RBM33: variants seen among roughly 807,000 people sequenced by gnomAD.
RBM33 encodes RNA-binding protein 33.
RBM33 carries 28 observed loss-of-function variants against 132.6 expected under a neutral mutation model. That is an observed-to-expected ratio of 0.21 (90% CI 0.16 to 0.29). The LOEUF is 0.29. Ranked by LOEUF, RBM33 falls within the 10% of genes least tolerant of loss-of-function variation. RBM33 has a pLI of 1.00. For synonymous variants in RBM33, 634 were observed against 593.0 expected (o/e 1.07, Z -1.01); for missense variants, 1,291 against 1,518.5 (o/e 0.85, Z 2.49).
chr7:155,769,303 C>G (rs1802328892), intron 16 of RBM33, among the ~76,000 whole-genome samples: 1 of 152,194 alleles, frequency 6.6e-6, no homozygotes, highest in African/African-American at 2.4e-5. Flanking sequence ...AAGAAACCGT[C>G]ATCTGTGTTT....
intron 6 of RBM33, chr7:155,701,286 A>C: frequency 4.9e-6 from 2 of 404,400 alleles, no homozygotes; most frequent in Middle Eastern, 6.5e-4. Flanking sequence ...GGCCAGGTTG[A>C]CCCTTCCCAA....
intron 3 of RBM33, 109 bp downstream of exon 3, chr7:155,673,024 A>T (rs1798986854): frequency 3.2e-6 from 2 of 628,546 alleles, no homozygotes; most frequent in Non-Finnish European, 5.0e-6. Flanking sequence ...TTGGGTATAG[A>T]TTAAAATTTT....
rs73734716 is a variant in RBM33, at chr7:155,734,891, C to A, written c.1261-2639C>A. ...TATTCCGTGTCATTCTGAGAAGCAT[C>A]ATTTAAACATTTTTTTGAAATAATG... On this transcript the variant is annotated intron_variant, in intron 9 of 17. Transcript: ENST00000401878. Among the ~76,000 whole-genome samples, 3 of 143,150 alleles carry A rather than the reference C, an allele frequency of 2.1e-5. No homozygotes were observed. In the South Asian group the frequency reaches 6.5e-4, roughly 31 times the overall value. The allele number at this position is 143,150 out of a possible 152,430, so 93.9% of individuals were successfully genotyped here. A position where few individuals can be genotyped will look rare whatever the true frequency, so the allele number is the denominator to read the frequency against.
intron 11 of RBM33, 49 bp downstream of exon 11, chr7:155,738,452 G>C (rs1476447224): frequency 6.7e-7 from 1 of 1,503,250 alleles, no homozygotes; most frequent in South Asian, 1.3e-5. Flanking sequence ...TAGCTTCAAG[G>C]CTTTGTGTTC....
intron 7 of RBM33, among the ~76,000 whole-genome samples, chr7:155,709,181 TTTTA>T (rs1279249824): frequency 6.6e-6 from 1 of 152,142 alleles, no homozygotes. Flanking sequence ...TAAACTTCCT[TTTTA>T]TTTCCAAATT....
rs1374051099 is a variant in RBM33 at position 155,673,577 on chromosome 7, C to A, written c.171+662C>A. On this transcript the variant is annotated intron_variant, in intron 3 of 17. Coordinates refer to ENST00000401878, the MANE Select transcript of RBM33 (RefSeq NM_053043.3). ...ATATATATACACACATATACATACA[C>A]ACGTGTATATATATATACACACATA... Among the ~76,000 whole-genome samples, 18 of 89,756 alleles carry A rather than the reference C, an allele frequency of 2.0e-4. 5 individuals carry two copies. Among genetic ancestry groups the A allele is most frequent in the African/African-American group, 9.5e-4 (18 of 18,932 alleles). 58.9% of individuals were successfully genotyped at this position (89,756 alleles called of 152,430 possible).
intron 9 of RBM33, among the ~76,000 whole-genome samples, chr7:155,728,158 C>T (rs1437192026): frequency 6.6e-6 from 1 of 152,130 alleles, no homozygotes; most frequent in Non-Finnish European, 1.5e-5. Flanking sequence ...GCCCTCTTTT[C>T]TTATCCTGCT....
intron 7 of RBM33, among the ~76,000 whole-genome samples, chr7:155,708,785 A>G (rs1800191511): frequency 6.6e-6 from 1 of 152,132 alleles, no homozygotes; most frequent in Admixed American, 6.5e-5. Flanking sequence ...CCTCCGCTCC[A>G]ACTGCGTTCT....
Position 155,665,243 on chromosome 7 carries a change from G to T in RBM33, c.112G>T (p.Asp38Tyr), listed in dbSNP as rs1411625359. The T allele has an allele frequency of 1.2e-6, 2 of 1,613,756 alleles. No homozygotes were observed. Among genetic ancestry groups the T allele is most frequent in the Non-Finnish European group, 1.7e-6 (2 of 1,179,734 alleles). ...GTGGAGAAGAAGAGCTGCTGATGAG[G>T]ACTGGGACAGGTACGTGCACCCTGT... ...RSWRRRAADE[D>Y]WDSELEDDLL... is the part of the protein sequence containing the mutation. The change falls in exon 2 of 18, where the codon GAC becomes TAC. Residue 38 changes from aspartate to tyrosine, a missense_variant. By Grantham distance (160) the Asp-to-Tyr change is radical. Around this residue, in one of 7 missense-constraint regions of RBM33, gnomAD observed 194 missense variants for 249.8 expected, o/e 0.78. Coordinates refer to ENST00000401878, the MANE Select transcript of RBM33 (RefSeq NM_053043.3).
chr7:155,754,019 G>T (rs1047932128), intron 14 of RBM33, among the ~76,000 whole-genome samples: 3 of 152,204 alleles, frequency 2.0e-5, no homozygotes, highest in Non-Finnish European at 4.4e-5. Context: ...GTCTTAGTGT[G>T]GGCAGAATTG....
At chr7:155,725,051 G>C (rs1800749397) in intron 9 of RBM33, among the ~76,000 whole-genome samples, 1 of 147,874 alleles carries the variant, frequency 6.8e-6, no homozygotes, top group East Asian at 2.0e-4. Flanking sequence ...GATTTTTTTT[G>C]TGAACATAAG....
At chr7:155,650,699 G>T (rs1263806887) in intron 1 of RBM33, among the ~76,000 whole-genome samples, 5 of 152,124 alleles carry the variant, frequency 3.3e-5, no homozygotes, top group Admixed American at 3.3e-4. Flanking sequence ...TTTGGGTCTG[G>T]TTCCCTTTAA....
At chr7:155,769,172 T>C (rs545349423) in intron 16 of RBM33, among the ~76,000 whole-genome samples, 2 of 152,330 alleles carry the variant, frequency 1.3e-5, no homozygotes, top group Admixed American at 1.3e-4. Context: ...TTTCAGAAAT[T>C]GTAACTTGAC....
In RBM33 at chr7:155,745,668, A is replaced by G; in HGVS notation, c.2979+66A>G. The G allele has an allele frequency of 1.4e-6, 2 of 1,384,134 alleles. No homozygotes were observed. The highest frequency in any genetic ancestry group is 3.8e-4 in the Middle Eastern group (2 of 5,228). The allele number at this position is 1,384,134 out of a possible 1,614,324, so 85.7% of individuals were successfully genotyped here. On this transcript the variant is annotated intron_variant, in intron 14 of 17. Transcript: ENST00000401878. The surrounding 1 kb of genome is among the most constrained non-coding windows in gnomAD (Gnocchi z 4.1). Reference sequence around the variant, plus strand: ...TATCACATAGAATGTCCTCATTTGCAGAGAATGTTTTTGAAGAAAGAATTA... The same window carrying G: ...TATCACATAGAATGTCCTCATTTGCGGAGAATGTTTTTGAAGAAAGAATTA...
intron 13 of RBM33, 107 bp downstream of exon 13, chr7:155,742,213 C>T: frequency 9.5e-7 from 1 of 1,054,808 alleles, no homozygotes; most frequent in Non-Finnish European, 1.3e-6. Flanking sequence ...AATCTTCCCA[C>T]TTTTTTCACC....
chr7:155,739,753 TCAGCCTCAG>T lies in RBM33; in HGVS notation c.1779_1787del (p.Pro597_Gln599del). On this transcript the variant is annotated inframe_deletion, in exon 12 of 18. Transcript: ENST00000401878. ...CTCCATTGCCCCCTCCGCATCAGCC[TCAGCCTCAG>T]CAACCTCAGCAACAGCCCCCGCCAC... 1 of 1,547,236 alleles carries T rather than the reference TCAGCCTCAG, an allele frequency of 6.5e-7. No homozygotes were observed. The highest frequency in any genetic ancestry group is 1.2e-5 in the South Asian group (1 of 83,798).
At position 155,764,013 on chromosome 7, in the gene RBM33, A is replaced by G. The variant is rs1231611176; in HGVS notation, c.3181A>G (p.Lys1061Glu). The G allele has an allele frequency of 6.5e-7, 1 of 1,541,316 alleles. No homozygotes were observed. Among genetic ancestry groups the G allele is most frequent in the Admixed American group, 2.0e-5 (1 of 50,552 alleles). The change falls in exon 15 of 18, where the codon AAG becomes GAG. Residue 1061 changes from lysine to glutamate, a missense_variant. By Grantham distance (56) the Lys-to-Glu change is moderately conservative. Transcript: ENST00000401878. ...IKSIQGIHPA[K>E]KAIMHGRGRG... Reference sequence around the variant, plus strand: ...AAGCATCCAAGGAATTCACCCGGCGAAGAAGGTACTGCTTGTTGCCTCGCA... The same window carrying G: ...AAGCATCCAAGGAATTCACCCGGCGGAGAAGGTACTGCTTGTTGCCTCGCA...
rs933304644 is a variant in RBM33, at chr7:155,685,072, A to G, written c.567+4164A>G. 3 of 1,543,994 alleles carry G rather than the reference A, an allele frequency of 1.9e-6. No homozygotes were observed. The African/African-American group carries it at 4.1e-5, about 21-fold the overall frequency. ...GAAGAGGTATTTGTTCATCTTTTAA[A>G]AAGAGTAAAAAGTTTGCTGTTTCCC... On this transcript the variant is annotated intron_variant, in intron 5 of 17. Transcript: ENST00000401878.
chr7:155,697,409 TTG>T (rs1799824877), intron 5 of RBM33, among the ~76,000 whole-genome samples: 1 of 84,296 alleles, frequency 1.2e-5, no homozygotes, highest in Non-Finnish European at 3.1e-5. Context: ...CTTCTAATTT[TTG>T]CACAGTTTGC....
Sources: gnomAD v4.1 joint callset for allele counts (sites outside exome capture counted in the v4.1 genomes callset) on GRCh38, gnomAD v4.1.1 for gene constraint, gnomAD v4.1.1 regional missense constraint, Gnocchi (gnomAD v3.1) non-coding constraint, MANE v1.5 for transcripts, NCBI Gene and HGNC (gene_info 2026-07-23, HGNC 2026-07-21) for gene names.